Variants in NSMCE4A observed in about 807,000 individuals in gnomAD.
NSMCE4A encodes the protein non-structural maintenance of chromosomes element 4 homolog A.
Under a neutral mutation model 47.9 loss-of-function variants are expected in NSMCE4A, and 40 were observed. The ratio of observed to expected loss-of-function variants is 0.83; its 90% confidence interval spans 0.65 to 1.09. The LOEUF (loss-of-function observed/expected upper bound fraction) is 1.09. Among genes scored for constraint, NSMCE4A ranks in the 50% least tolerant of loss-of-function variants. The pLI, the probability that NSMCE4A is intolerant of heterozygous loss-of-function variation, is 0.00. For synonymous variants in NSMCE4A, 166 were observed against 178.5 expected, an observed-to-expected ratio of 0.93 and a Z score of 0.56; for missense variants, 500 against 507.0, an observed-to-expected ratio of 0.99 and a Z score of 0.13.
At chr10:121,963,407 C>A (rs12240308) in intron 5 of NSMCE4A, 79 bp from the exon 6 acceptor site, 118,077 of 772,502 alleles carry the variant, frequency 0.15, 9,928 homozygotes, top group Middle Eastern at 0.18. Flanking sequence ...CACCCAAACT[C>A]CTTTTCTTCT....
chr10:121,965,464 T>A (rs1590784099), intron 4 of NSMCE4A, 79 bp from the exon 5 acceptor site: 1 of 1,054,310 alleles, frequency 9.5e-7, no homozygotes, highest in Admixed American at 1.9e-5. Flanking sequence ...TAAAAGTAGT[T>A]TGCATGGTAT....
At chr10:121,961,381 A>C (rs749212492) in intron 7 of NSMCE4A, 42 bp downstream of exon 7, 1 of 1,356,092 alleles carries the variant, frequency 7.4e-7, no homozygotes, top group Non-Finnish European at 1.0e-6. Flanking sequence ...TAGCCTTTTA[A>C]AAGCATATAA....
intron 3 of NSMCE4A, among the ~76,000 whole-genome samples, chr10:121,968,653 A>C (rs1448151255): frequency 1.3e-5 from 2 of 152,210 alleles, no homozygotes; most frequent in African/African-American, 4.8e-5. Flanking sequence ...ATGAAAGTAC[A>C]TTTTTATTAC....
intron 3 of NSMCE4A, among the ~76,000 whole-genome samples, chr10:121,969,325 ATGGGCAACACTCCAGCC>A (rs1952663064): frequency 6.6e-6 from 1 of 152,134 alleles, no homozygotes; most frequent in South Asian, 2.1e-4. Context: ...ACACTCCAGC[ATGGGCAACACTCCAGCC>A]TGGGCAACAA....
chr10:121,970,476 GAA>G lies in NSMCE4A; in HGVS notation c.501+461_501+462del, dbSNP rs57421744. ...GACAGAGCGAGACTCTGTCTCAAAG[GAA>G]AAAAAAAAAAAAAAAAAAAAGCAAA... On this transcript the variant is annotated intron_variant, in intron 3 of 10. Transcript: ENST00000369023. Among the ~76,000 whole-genome samples, 179 of 101,906 alleles carry G rather than the reference GAA, an allele frequency of 1.8e-3. 1 individual carries two copies. Among genetic ancestry groups the G allele is most frequent in the African/African-American group, 3.7e-3 (90 of 24,430 alleles). The allele number at this position is 101,906 out of a possible 152,430, so 66.9% of individuals were successfully genotyped here.
intron 1 of NSMCE4A, chr10:121,974,507 AGCTGCC>A (rs1230695335): frequency 7.8e-6 from 7 of 901,114 alleles, no homozygotes; most frequent in Non-Finnish European, 9.4e-6. Context: ...CTGCAGCTGC[AGCTGCC>A]GCTGCGAGGC....
At chr10:121,971,369 G>A (rs986937796) in intron 2 of NSMCE4A, among the ~76,000 whole-genome samples, 3 of 152,126 alleles carry the variant, frequency 2.0e-5, no homozygotes, top group African/African-American at 4.8e-5. Flanking sequence ...AATTAGCAGG[G>A]CGTGGTGGCG....
chr10:121,959,791 A>G (rs564189452), intron 8 of NSMCE4A, 196 bp from the exon 9 acceptor site: 2 of 589,770 alleles, frequency 3.4e-6, no homozygotes, highest in South Asian at 4.2e-5. Context: ...ATCTGTTTCC[A>G]TTTCAAAAAA....
chr10:121,965,055 A>G (rs923523461), intron 5 of NSMCE4A, among the ~76,000 whole-genome samples: 1 of 152,176 alleles, frequency 6.6e-6, no homozygotes, highest in Non-Finnish European at 1.5e-5. Context: ...GACAGTGCTG[A>G]GGTTGACCCT....
Position 121,974,855 on chromosome 10 carries a change from C to G in NSMCE4A, c.292+19G>C, listed in dbSNP as rs751882124. ...CAGCGGCCCGTCCGGGCCCGCGCCG[C>G]CCGGAGGCGCCGCCTTACGTTGGAC... On this transcript the variant is annotated intron_variant, in intron 1 of 10. Transcript: ENST00000369023. 8.6e-5 allele frequency: 125 copies of G among 1,451,424 alleles called. 1 individual carries two copies. Among genetic ancestry groups the G allele is most frequent in the Admixed American group, 5.0e-4 (19 of 38,348 alleles). 89.9% of individuals were successfully genotyped at this position (1,451,424 alleles called of 1,614,324 possible). A position where few individuals can be genotyped will look rare whatever the true frequency, so the allele number is the denominator to read the frequency against.
intron 5 of NSMCE4A, among the ~76,000 whole-genome samples, chr10:121,963,928 C>G (rs1162903498): frequency 6.6e-6 from 1 of 150,922 alleles, no homozygotes; most frequent in Non-Finnish European, 1.5e-5. Context: ...GAAACCGTCT[C>G]TATTAAAAAA....
At chr10:121,967,004 G>A (rs577741778) in intron 4 of NSMCE4A, 5 of 152,300 alleles carry the variant, frequency 3.3e-5, no homozygotes, top group East Asian at 1.9e-4. Context: ...CACTTTAGAC[G>A]TTGGGAGACT....
chr10:121,966,208 G>A (rs1031152881), intron 4 of NSMCE4A: 1 of 152,214 alleles, frequency 6.6e-6, no homozygotes, highest in Non-Finnish European at 1.5e-5. Flanking sequence ...GGAGTGACGT[G>A]GTTGAGAAAT....
Position 121,963,318 on chromosome 10 carries a change from ATTC to A in NSMCE4A, c.761_763del (p.Arg254del), listed in dbSNP as rs1357303588. The A allele has an allele frequency of 3.7e-6, 6 of 1,603,474 alleles. No individual in the cohort carries two copies. Among genetic ancestry groups the A allele is most frequent in the Non-Finnish European group, 5.1e-6 (6 of 1,171,672 alleles). ...TGTTGCTTCTTGATGAGATTCTTCC[ATTC>A]TTCTTAACTGAAAAAAGTCATTATC... On this transcript the variant is annotated inframe_deletion, in exon 6 of 11. Coordinates refer to ENST00000369023, the MANE Select transcript of NSMCE4A (RefSeq NM_017615.3).
In NSMCE4A at chr10:121,963,242, T is replaced by A. The variant is rs748850381; in HGVS notation, c.840A>T (p.Glu280Asp). The A allele has an allele frequency of 1.9e-6, 3 of 1,600,068 alleles. No homozygotes were observed. The African/African-American group carries it at 4.0e-5, about 21-fold the overall frequency. Residue 280 changes from glutamate to aspartate, a missense_variant, in exon 6 of 11, where the codon GAA (glutamate) becomes GAT (aspartate). Glu to Asp is a conservative substitution (Grantham distance 45). Coordinates refer to ENST00000369023, the MANE Select transcript of NSMCE4A (RefSeq NM_017615.3). Reference sequence around the variant, plus strand: ...TTTGAATGGTGTTACACTTACGATCTTCTCGAAAATATGTCTGCAACAATC... The same window carrying A: ...TTTGAATGGTGTTACACTTACGATCATCTCGAAAATATGTCTGCAACAATC... ...ILGLLQTYFR[E>D]DPDTPMSFFD... is the part of the protein sequence containing the mutation.
In NSMCE4A at chr10:121,967,746, G is replaced by C; in HGVS notation, c.562C>G (p.Pro188Ala). The change falls in exon 4 of 11, where the codon CCT (proline) becomes GCT (alanine). Residue 188 changes from proline (P) to alanine (A), a missense_variant. By Grantham distance (27) the Pro-to-Ala change is conservative. Transcript: ENST00000369023. The stretch of plus-strand genomic sequence containing the variant: ...TCATAGACTATGAATTCAAAATCAG[G>C]ACTATCTTCATCACGGATGAGTTCT... The part of the protein sequence containing the change: ...AEELIRDEDS[P>A]DFEFIVYDSW... The C allele has an allele frequency of 6.2e-7, 1 of 1,614,052 alleles. No individual in the cohort carries two copies. The highest frequency in any genetic ancestry group is 8.5e-7 in the Non-Finnish European group (1 of 1,179,994).
At chr10:121,957,842 C>CA (rs1952426711) in intron 10 of NSMCE4A, among the ~76,000 whole-genome samples, 1 of 151,904 alleles carries the variant, frequency 6.6e-6, no homozygotes, top group African/African-American at 2.4e-5. Flanking sequence ...TTTTAATGCT[C>CA]AAAATCAGAA....
Position 121,960,076 on chromosome 10 carries a change from CA to C in NSMCE4A, c.988+281del, listed in dbSNP as rs1029805233. On this transcript the variant is annotated intron_variant, in intron 8 of 10. Coordinates refer to ENST00000369023, the MANE Select transcript of NSMCE4A (RefSeq NM_017615.3). The surrounding 1 kb of genome is among the most constrained non-coding windows in gnomAD (Gnocchi z 4.2). ...AACGTGATTAGAAAGAGGGATACTA[CA>C]AAAATGACTGCAATCACCAACTTTC... 2.8e-5 allele frequency: 9 copies of C among 316,518 alleles called. No homozygotes were observed. The highest frequency in any genetic ancestry group is 5.1e-5 in the Non-Finnish European group (9 of 176,680). The allele number at this position is 316,518 out of a possible 1,614,324, so 19.6% of individuals were successfully genotyped here.
Position 121,974,008 on chromosome 10 carries a change from A to G in NSMCE4A, c.366T>C (p.Asn122=). 6.3e-7 allele frequency: 1 copy of G among 1,589,852 alleles called. No individual in the cohort carries two copies. Among genetic ancestry groups the G allele is most frequent in the Non-Finnish European group, 8.6e-7 (1 of 1,162,932 alleles). ...EVLEEANTLF[N]EVSRAREAVL... ...ACATATAAAATAACAAATTACCTTC[A>G]TTAAACAGAGTGTTAGCCTCTTCAA... Residue 122 remains asparagine (N), a synonymous_variant, in exon 2 of 11, where the codon AAT becomes AAC. Transcript: ENST00000369023.
Sources: allele counts gnomAD v4.1 joint callset (sites outside exome capture counted in the v4.1 genomes callset), GRCh38; gene constraint gnomAD v4.1.1; non-coding constraint Gnocchi (gnomAD v3.1); transcripts MANE v1.5; gene names NCBI Gene and HGNC (gene_info 2026-07-23, HGNC 2026-07-21).